Variants in IMPG2 observed in about 807,000 individuals in gnomAD.
The protein encoded by IMPG2 is IPM 200.
A neutral mutation model predicts 129.2 loss-of-function variants in IMPG2; 91 were observed. The ratio of observed to expected loss-of-function variants is 0.70; its 90% CI spans 0.59 to 0.84. The LOEUF is 0.84. IMPG2 is among the 40% of genes least tolerant of loss of function. The probability of loss-of-function intolerance (pLI) is 0.00; values close to 1 mark genes in which losing one functional copy is unlikely to be tolerated. For synonymous variants in IMPG2, 510 were observed against 517.7 expected (o/e 0.99, Z 0.20); for missense variants, 1,430 against 1,461.7 (o/e 0.98, Z 0.35).
At chr3:101,243,310 T>G (rs78106645) in intron 13 of IMPG2, among the ~76,000 whole-genome samples, 2,441 of 152,308 alleles carry the variant, frequency 0.016, 63 homozygotes, top group African/African-American at 0.056. Context: ...CCTTGTAAAT[T>G]ATCACATCAC....
intron 15 of IMPG2, among the ~76,000 whole-genome samples, chr3:101,231,952 A>C (rs1041761525): frequency 3.3e-5 from 5 of 152,160 alleles, no homozygotes; most frequent in Non-Finnish European, 7.4e-5. Flanking sequence ...AAAGAAAAAT[A>C]TTTTTGTCAC....
chr3:101,290,227 G>T (rs1285372699), intron 4 of IMPG2, among the ~76,000 whole-genome samples: 5 of 152,098 alleles, frequency 3.3e-5, no homozygotes, highest in South Asian at 2.1e-4. Context: ...ACCCGGCCAG[G>T]CATAGTGGCT....
Position 101,226,886 on chromosome 3 carries a change from A to G in IMPG2, c.*83T>C. ...AACTCTTCTTCCAACAGTGTTTAAA[A>G]TCCAGGTTAATTATATGACATAAGT... On this transcript the variant is annotated 3_prime_UTR_variant, in exon 19 of 19. Coordinates refer to ENST00000193391, the MANE Select transcript of IMPG2 (RefSeq NM_016247.4). 7.1e-7 allele frequency: 1 copy of G among 1,413,892 alleles called. No homozygotes were observed. Among genetic ancestry groups the G allele is most frequent in the Non-Finnish European group, 1.0e-6 (1 of 1,003,008 alleles). 87.6% of individuals were successfully genotyped at this position (1,413,892 alleles called of 1,614,324 possible). A position where few individuals can be genotyped will look rare whatever the true frequency, so the allele number is the denominator to read the frequency against.
At chr3:101,285,331 G>C (rs1340836583) in intron 4 of IMPG2, among the ~76,000 whole-genome samples, 1 of 152,102 alleles carries the variant, frequency 6.6e-6, no homozygotes, top group Non-Finnish European at 1.5e-5. Context: ...GACACACAGG[G>C]ATCAGTACAT....
At chr3:101,282,215 C>A (rs560385330) in intron 4 of IMPG2, among the ~76,000 whole-genome samples, 1 of 151,982 alleles carries the variant, frequency 6.6e-6, no homozygotes, top group Non-Finnish European at 1.5e-5. Context: ...CCATGGAAAT[C>A]GTGGGCAAAT....
intron 2 of IMPG2, among the ~76,000 whole-genome samples, chr3:101,315,140 T>A (rs1441524540): frequency 6.6e-6 from 1 of 152,124 alleles, no homozygotes; most frequent in East Asian, 1.9e-4. Context: ...ATAAATAAAG[T>A]ATGTTGTACA....
chr3:101,238,169 G>GA (rs1706368156), intron 14 of IMPG2, among the ~76,000 whole-genome samples: 1 of 151,926 alleles, frequency 6.6e-6, no homozygotes, highest in Non-Finnish European at 1.5e-5. Flanking sequence ...CAAGGTTAGA[G>GA]AAAAAACAAT....
At chr3:101,248,450 T>G (rs970287602) in intron 11 of IMPG2, among the ~76,000 whole-genome samples, 1 of 152,188 alleles carries the variant, frequency 6.6e-6, no homozygotes, top group Non-Finnish European at 1.5e-5. Context: ...ATCAGCAGCG[T>G]GAAAACAGAT....
In IMPG2 at chr3:101,242,706, A is replaced by G. The variant is rs1350756593; in HGVS notation, c.3004T>C (p.Ser1002Pro). The G allele has an allele frequency of 7.4e-6, 12 of 1,612,086 alleles. No individual in the cohort carries two copies. Among genetic ancestry groups the G allele is most frequent in the Non-Finnish European group, 1.0e-5 (12 of 1,178,206 alleles). Residue 1002 changes from serine (S) to proline (P), a missense_variant, in exon 14 of 19, where the codon TCT (serine) becomes CCT (proline). Ser to Pro is a moderately conservative substitution (Grantham distance 74). Coordinates refer to ENST00000193391, the MANE Select transcript of IMPG2 (RefSeq NM_016247.4). ...NTMNLAIDKY[S>P]LDVESGDEAN... The stretch of plus-strand genomic sequence containing the variant: ...ATCATACCTGATTCCACATCAAGAG[A>G]GTATTTATCAATAGCCAAGTTCATG...
intron 10 of IMPG2, among the ~76,000 whole-genome samples, chr3:101,254,388 G>A (rs144284251): frequency 2.6e-5 from 4 of 152,218 alleles, no homozygotes; most frequent in Admixed American, 1.3e-4. Context: ...TCTTCTAGAA[G>A]CATTGCATAT....
At chr3:101,229,325 C>T in intron 17 of IMPG2, 55 bp downstream of exon 17, 1 of 1,361,928 alleles carries the variant, frequency 7.3e-7, no homozygotes, top group Non-Finnish European at 1.0e-6. Context: ...CCCCTGCTCC[C>T]CCACACACAC....
chr3:101,229,121 A>G (rs887594887), intron 17 of IMPG2, among the ~76,000 whole-genome samples: 10 of 139,884 alleles, frequency 7.1e-5, no homozygotes, highest in Middle Eastern at 6.9e-3. Flanking sequence ...GGAAGGAGAG[A>G]GTACCAGTTA....
intron 15 of IMPG2, among the ~76,000 whole-genome samples, 155 bp from the exon 16 acceptor site, chr3:101,231,300 T>C (rs1329946419): frequency 1.3e-5 from 2 of 152,210 alleles, no homozygotes; most frequent in Non-Finnish European, 2.9e-5. Context: ...TAAAAGATCA[T>C]ACAATTTAAG....
chr3:101,281,483 C>T (rs1054404943), intron 4 of IMPG2, among the ~76,000 whole-genome samples: 1 of 152,086 alleles, frequency 6.6e-6, no homozygotes, highest in Non-Finnish European at 1.5e-5. Context: ...CAACTGATAG[C>T]AGGAGATGTT....
intron 18 of IMPG2, among the ~76,000 whole-genome samples, chr3:101,228,187 C>T (rs1706244236): frequency 6.6e-6 from 1 of 152,166 alleles, no homozygotes; most frequent in African/African-American, 2.4e-5. Context: ...AAAGTACAGA[C>T]ATTTGCCCAA....
rs1470073660 is a variant in IMPG2 at position 101,270,732 on chromosome 3, G to A, written c.829-1159C>T. Among the ~76,000 whole-genome samples the A allele has an allele frequency of 7.2e-5, 11 of 152,058 alleles. No homozygotes were observed. The South Asian group carries it at 1.5e-3, about 20-fold the overall frequency. ...GGAGAATGGCGTGAACCCGGGAGGC[G>A]GAGCTTGCAGTGAGCCGAGATCGCG... On this transcript the variant is annotated intron_variant, in intron 7 of 18. Coordinates refer to ENST00000193391, the MANE Select transcript of IMPG2 (RefSeq NM_016247.4).
chr3:101,309,554 C>T (rs1707238970), intron 2 of IMPG2, among the ~76,000 whole-genome samples: 4 of 152,112 alleles, frequency 2.6e-5, no homozygotes, highest in Admixed American at 2.6e-4. Flanking sequence ...CTCATGAGAA[C>T]TTGCTCACTA....
chr3:101,236,532 G>A (rs373386071), intron 14 of IMPG2, among the ~76,000 whole-genome samples: 1 of 152,252 alleles, frequency 6.6e-6, no homozygotes, highest in African/African-American at 2.4e-5. Flanking sequence ...ATTGGACAGT[G>A]GGTGCAGCCC....
At chr3:101,254,903 T>TTCTC (rs370565511) in intron 10 of IMPG2, among the ~76,000 whole-genome samples, 1 of 149,302 alleles carries the variant, frequency 6.7e-6, no homozygotes, top group Non-Finnish European at 1.5e-5. Context: ...GTGTGGCACT[T>TTCTC]TCTCTCTCTC....
Sources: allele counts gnomAD v4.1 joint callset (sites outside exome capture counted in the v4.1 genomes callset), GRCh38; gene constraint gnomAD v4.1.1; transcripts MANE v1.5; gene names NCBI Gene and HGNC (gene_info 2026-07-23, HGNC 2026-07-21).